ZNF26: variants seen among roughly 807,000 people sequenced by gnomAD.
ZNF26 encodes zinc finger protein 26, also known as epididymis luminal protein 179.
Under a neutral mutation model 54.9 loss-of-function variants are expected in ZNF26, and 32 were observed. The ratio of observed to expected loss-of-function variants is 0.58; its 90% CI spans 0.44 to 0.78. The LOEUF (loss-of-function observed/expected upper bound fraction) is 0.78, where lower values mean the gene tolerates loss of function less well. Among genes scored for constraint, ZNF26 ranks in the 30% least tolerant of loss-of-function variants. The probability of loss-of-function intolerance (pLI) is 0.00; values close to 1 mark genes in which losing one functional copy is unlikely to be tolerated. For synonymous variants in ZNF26, 221 were observed against 209.2 expected, an observed-to-expected ratio of 1.06 and a Z score of -0.49; for missense variants, 524 against 634.0, an observed-to-expected ratio of 0.83 and a Z score of 1.86.
At chr12:132,992,346 C>G (rs1050442647) in intron 1 of ZNF26, among the ~76,000 whole-genome samples, 3 of 151,850 alleles carry the variant, frequency 2.0e-5, no homozygotes, top group Admixed American at 6.6e-5. Context: ...AACTGTTTCA[C>G]TCCATTTTCT....
At chr12:133,008,297 A>G (rs1350285852) in intron 3 of ZNF26, among the ~76,000 whole-genome samples, 2 of 151,964 alleles carry the variant, frequency 1.3e-5, no homozygotes, top group Non-Finnish European at 2.9e-5. Flanking sequence ...TTCTTTCACA[A>G]GTTTCTTTCT....
chr12:133,000,229 G>C (rs1270388669), intron 1 of ZNF26, among the ~76,000 whole-genome samples: 1 of 151,484 alleles, frequency 6.6e-6, no homozygotes, highest in Non-Finnish European at 1.5e-5. Flanking sequence ...CAGTTATTTT[G>C]TATTTTACTT....
At chr12:133,006,294 CT>C in intron 1 of ZNF26, 3 of 985,448 alleles carry the variant, frequency 3.0e-6, no homozygotes, top group Non-Finnish European at 3.6e-6. Context: ...GTTTATCCCC[CT>C]GTTCTCAGCT....
intron 1 of ZNF26, chr12:133,005,091 C>A (rs1593660277): frequency 6.6e-6 from 1 of 152,088 alleles, no homozygotes; most frequent in Non-Finnish European, 1.5e-5. Context: ...GTCTTCACTC[C>A]AAGAGAATTT....
intron 1 of ZNF26, among the ~76,000 whole-genome samples, chr12:133,000,615 A>G (rs777037308): frequency 1.9e-4 from 29 of 152,020 alleles, no homozygotes; most frequent in Middle Eastern, 3.4e-3. Context: ...CTGTAGAGAC[A>G]GGGTTTCACC....
At position 133,025,958 on chromosome 12, in the gene ZNF26, C is replaced by T. The variant is rs1473867104; in HGVS notation, c.*14477C>T. 1 of 152,626 alleles carries T rather than the reference C, an allele frequency of 6.6e-6. No individual in the cohort carries two copies. The highest frequency in any genetic ancestry group is 1.5e-5 in the Non-Finnish European group (1 of 68,386). The allele number at this position is 152,626 out of a possible 1,614,324, so 9.5% of individuals were successfully genotyped here. A position where few individuals can be genotyped will look rare whatever the true frequency, so the allele number is the denominator to read the frequency against. ...TGCAGTAAGAAAGCCCAAACTAGCT[C>T]ACACACAGACTACATCAAGAGTGAG... is the stretch of plus-strand genomic sequence containing the variant. On this transcript the variant is annotated 3_prime_UTR_variant, in exon 4 of 4. Transcript: ENST00000328654.
At chr12:133,003,886 A>C (rs1953271218) in intron 1 of ZNF26, among the ~76,000 whole-genome samples, 1 of 151,946 alleles carries the variant, frequency 6.6e-6, no homozygotes, top group South Asian at 2.1e-4. Context: ...CCGTCATGCT[A>C]CTTGGGATGT....
intron 1 of ZNF26, among the ~76,000 whole-genome samples, chr12:133,000,205 A>G (rs749255116): frequency 1.3e-4 from 20 of 152,066 alleles, no homozygotes; most frequent in South Asian, 4.1e-4. Context: ...TGCTAGGTCA[A>G]TTCAAAATTT....
intron 1 of ZNF26, among the ~76,000 whole-genome samples, chr12:132,999,341 C>T (rs1033297529): frequency 8.5e-5 from 13 of 152,068 alleles, no homozygotes; most frequent in South Asian, 2.1e-4. Flanking sequence ...TGCCAACCTC[C>T]GCCTCCCGGG....
chr12:132,996,058 A>C (rs1425242323), intron 1 of ZNF26, among the ~76,000 whole-genome samples: 2 of 152,056 alleles, frequency 1.3e-5, no homozygotes, highest in African/African-American at 4.8e-5. Flanking sequence ...TAGGGGCTGT[A>C]CTCTGTTACC....
intron 1 of ZNF26, among the ~76,000 whole-genome samples, chr12:133,000,750 G>A (rs2137236346): frequency 6.6e-6 from 1 of 151,970 alleles, no homozygotes; most frequent in South Asian, 2.1e-4. Context: ...AGTAGGATAG[G>A]GTTTCACTAT....
Position 132,986,804 on chromosome 12 carries a change from C to T in ZNF26, c.-37C>T. The T allele has an allele frequency of 6.3e-7, 1 of 1,587,112 alleles. No individual in the cohort carries two copies. Among genetic ancestry groups the T allele is most frequent in the South Asian group, 1.1e-5 (1 of 87,318 alleles). On this transcript the variant is annotated 5_prime_UTR_variant, in exon 1 of 4. Transcript: ENST00000328654. ...ACGGTCTCTCCGCAGCCCGCGGGTC[C>T]TGCCCCCGCAGGCAGCGCGCGAACG...
chr12:133,005,162 G>T (rs1046049302), intron 1 of ZNF26: 1 of 152,040 alleles, frequency 6.6e-6, no homozygotes, highest in Admixed American at 6.6e-5. Flanking sequence ...AACCTACATT[G>T]GTAATTCTTC....
intron 1 of ZNF26, among the ~76,000 whole-genome samples, chr12:132,997,006 T>C (rs1953100001): frequency 6.6e-6 from 1 of 152,228 alleles, no homozygotes; most frequent in South Asian, 2.1e-4. Flanking sequence ...GGTGGATCCC[T>C]GCACCATTAC....
Position 133,016,255 on chromosome 12 carries a change from T to C in ZNF26, c.*4774T>C, listed in dbSNP as rs1403822245. On this transcript the variant is annotated 3_prime_UTR_variant, in exon 4 of 4. Coordinates refer to ENST00000328654, the MANE Select transcript of ZNF26 (RefSeq NM_019591.4). ...ACCTGGCTAATTTTTGTATTTTTAG[T>C]AGAGATGGGGTTTCACCATTTTGGC... The C allele has an allele frequency of 2.0e-5, 3 of 151,830 alleles. No homozygotes were observed. Among genetic ancestry groups the C allele is most frequent in the African/African-American group, 7.3e-5 (3 of 41,336 alleles). 9.4% of individuals were successfully genotyped at this position (151,830 alleles called of 1,614,324 possible).
rs1227832533 is a variant in ZNF26, at chr12:133,014,131, T to G, written c.*2650T>G. ...ACAATAATCTACACTAAACATGCCC[T>G]GGGATGGGATTGCTCATTTAGGAAA... is the stretch of plus-strand genomic sequence containing the variant. On this transcript the variant is annotated 3_prime_UTR_variant, in exon 4 of 4. Coordinates refer to ENST00000328654, the MANE Select transcript of ZNF26 (RefSeq NM_019591.4). 1.3e-5 allele frequency: 2 copies of G among 152,242 alleles called. No homozygotes were observed. The highest frequency in any genetic ancestry group is 2.9e-5 in the Non-Finnish European group (2 of 68,056). 9.4% of individuals were successfully genotyped at this position (152,242 alleles called of 1,614,324 possible).
intron 1 of ZNF26, among the ~76,000 whole-genome samples, chr12:132,994,940 G>A (rs1953044180): frequency 6.6e-6 from 1 of 152,114 alleles, no homozygotes; most frequent in African/African-American, 2.4e-5. Context: ...GCCCCACTAT[G>A]ACAACCATAA....
intron 1 of ZNF26, among the ~76,000 whole-genome samples, chr12:132,987,425 G>GT (rs1952848413): frequency 1.3e-5 from 2 of 152,222 alleles, no homozygotes; most frequent in African/African-American, 4.8e-5. Context: ...AGTCCGAAAG[G>GT]TAAGGGGCGG....
chr12:132,987,419 C>T (rs1287624323), intron 1 of ZNF26, among the ~76,000 whole-genome samples: 1 of 152,006 alleles, frequency 6.6e-6, no homozygotes, highest in African/African-American at 2.4e-5. Context: ...CTCGAGAGTC[C>T]GAAAGGTAAG....
Sources: allele counts gnomAD v4.1 joint callset (sites outside exome capture counted in the v4.1 genomes callset), GRCh38; gene constraint gnomAD v4.1.1; transcripts MANE v1.5; gene names NCBI Gene and HGNC (gene_info 2026-07-23, HGNC 2026-07-21).